Variants in KLHL1 observed in about 807,000 individuals in gnomAD.
KLHL1 encodes the protein kelch like family member 1.
In KLHL1, 47 loss-of-function variants were observed where a neutral mutation model predicts 77.7. The observed-to-expected ratio is 0.60, with a 90% CI of 0.48 to 0.77. The LOEUF (loss-of-function observed/expected upper bound fraction) is 0.77. Ranked by LOEUF, KLHL1 falls within the 30% of genes least tolerant of loss-of-function variation. KLHL1 has a pLI of 0.00. For missense variants in KLHL1, 925 were observed against 910.8 expected (o/e 1.02, Z -0.20); for synonymous variants, 360 against 325.2 (o/e 1.11, Z -1.15).
chr13:69,723,096 C>G (rs1195327564), intron 8 of KLHL1, among the ~76,000 whole-genome samples: 1 of 152,052 alleles, frequency 6.6e-6, no homozygotes, highest in African/African-American at 2.4e-5. Context: ...ACCACATTAT[C>G]TCACTCACAT....
At chr13:69,734,314 G>C (rs1206036436) in intron 8 of KLHL1, among the ~76,000 whole-genome samples, 1 of 152,166 alleles carries the variant, frequency 6.6e-6, no homozygotes, top group Non-Finnish European at 1.5e-5. Flanking sequence ...AAGCTGTGCA[G>C]ATGCCATCAT....
At chr13:69,785,953 C>T (rs1420986098) in intron 7 of KLHL1, among the ~76,000 whole-genome samples, 5 of 152,056 alleles carry the variant, frequency 3.3e-5, no homozygotes, top group African/African-American at 1.2e-4. Flanking sequence ...CAAGACTAAA[C>T]CAGGAAGAAG....
intron 1 of KLHL1, among the ~76,000 whole-genome samples, chr13:70,047,817 G>T (rs1003942120): frequency 6.6e-6 from 1 of 152,158 alleles, no homozygotes; most frequent in Admixed American, 6.5e-5. Context: ...AAACTTTTAA[G>T]CAGAAGCATG....
intron 7 of KLHL1, among the ~76,000 whole-genome samples, chr13:69,766,217 A>G (rs1327982340): frequency 6.6e-6 from 1 of 152,152 alleles, no homozygotes; most frequent in African/African-American, 2.4e-5. Flanking sequence ...GACACACACC[A>G]TATGGAAAAC....
chr13:69,700,859 C>G lies in KLHL1; in HGVS notation c.*843G>C, dbSNP rs1447512809. ...TCTAAGTTTGTTTAAGAACAAAATTCTAAAGGAGTTCAACATGCAATGGAT... is the reference window on the plus strand; with the variant it reads ...TCTAAGTTTGTTTAAGAACAAAATTGTAAAGGAGTTCAACATGCAATGGAT... On this transcript the variant is annotated 3_prime_UTR_variant, in exon 11 of 11. Coordinates refer to ENST00000377844, the MANE Select transcript of KLHL1 (RefSeq NM_020866.3). 6.6e-6 allele frequency: 1 copy of G among 152,264 alleles called. No homozygotes were observed. The highest frequency in any genetic ancestry group is 2.4e-5 in the African/African-American group (1 of 41,430). The allele number at this position is 152,264 out of a possible 1,614,324, so 9.4% of individuals were successfully genotyped here. A position where few individuals can be genotyped will look rare whatever the true frequency, so the allele number is the denominator to read the frequency against.
At chr13:69,921,327 G>T (rs893383284) in intron 4 of KLHL1, among the ~76,000 whole-genome samples, 3 of 152,156 alleles carry the variant, frequency 2.0e-5, no homozygotes, top group African/African-American at 7.2e-5. Context: ...CCTCCATTGT[G>T]AGTGCCATAA....
chr13:69,703,696 T>C (rs980428028), intron 10 of KLHL1, among the ~76,000 whole-genome samples: 10 of 151,614 alleles, frequency 6.6e-5, no homozygotes, highest in Non-Finnish European at 4.4e-5. Context: ...TTATACCATA[T>C]TTCTACAGTA....
chr13:69,818,219 C>CTTTTTTTT lies in KLHL1; in HGVS notation c.1414+20749_1414+20756dup, dbSNP rs1316398623. Among the ~76,000 whole-genome samples, 727 of 112,850 alleles carry CTTTTTTTT rather than the reference C, an allele frequency of 6.4e-3. 113 individuals are homozygous for CTTTTTTTT. Among genetic ancestry groups the CTTTTTTTT allele is most frequent in the African/African-American group, 0.027 (676 of 25,084 alleles). 74.0% of individuals were successfully genotyped at this position (112,850 alleles called of 152,430 possible). Reference sequence around the variant, plus strand: ...AGAATTTAACTTAACTCATAGGCATCTTTTTTTTTTTTTTTTTTTTGAGAC... The same window carrying CTTTTTTTT: ...AGAATTTAACTTAACTCATAGGCATCTTTTTTTTTTTTTTTTTTTTTTTTTTTTGAGAC... On this transcript the variant is annotated intron_variant, in intron 6 of 10. Transcript: ENST00000377844.
chr13:69,769,022 A>C (rs1256831802), intron 7 of KLHL1, among the ~76,000 whole-genome samples: 3 of 152,220 alleles, frequency 2.0e-5, no homozygotes, highest in Admixed American at 2.0e-4. Flanking sequence ...ACTAAGTCTC[A>C]TTCTAGAAGC....
At chr13:69,928,037 GT>G (rs1882874511) in intron 4 of KLHL1, among the ~76,000 whole-genome samples, 1 of 152,128 alleles carries the variant, frequency 6.6e-6, no homozygotes, top group African/African-American at 2.4e-5. Context: ...TGTCCTTGTG[GT>G]TTCATAGAAA....
intron 5 of KLHL1, among the ~76,000 whole-genome samples, chr13:69,872,072 T>TTA (rs371226509): frequency 1.4e-4 from 22 of 152,274 alleles, no homozygotes; most frequent in African/African-American, 4.8e-4. Context: ...GCTAGATAAT[T>TTA]TATAATGAAA....
intron 4 of KLHL1, among the ~76,000 whole-genome samples, chr13:69,909,629 T>C (rs1326510599): frequency 6.6e-6 from 1 of 152,010 alleles, no homozygotes; most frequent in Non-Finnish European, 1.5e-5. Flanking sequence ...TTTAGATCAA[T>C]AAAATTCTCC....
chr13:69,818,278 T>G (rs1389511647), intron 6 of KLHL1, among the ~76,000 whole-genome samples: 2 of 146,228 alleles, frequency 1.4e-5, no homozygotes, highest in Non-Finnish European at 3.0e-5. Context: ...TGGAGTGCAG[T>G]GGCACGATCT....
At chr13:69,716,427 G>T (rs771801724) in intron 9 of KLHL1, among the ~76,000 whole-genome samples, 13 of 152,052 alleles carry the variant, frequency 8.5e-5, no homozygotes, top group Non-Finnish European at 7.4e-5. Context: ...GATGTAGAAA[G>T]AGTTTTAATT....
intron 3 of KLHL1, among the ~76,000 whole-genome samples, chr13:69,960,183 A>G (rs1884021731): frequency 1.3e-5 from 2 of 148,314 alleles, no homozygotes; most frequent in South Asian, 2.1e-4. Flanking sequence ...CTTCTTCAAT[A>G]TAAGTGAAAT....
chr13:69,994,336 T>C (rs1027181709), intron 1 of KLHL1, among the ~76,000 whole-genome samples: 2 of 152,118 alleles, frequency 1.3e-5, no homozygotes, highest in Non-Finnish European at 2.9e-5. Context: ...AACTCTTTCC[T>C]TAAGCCTTCT....
chr13:69,763,774 C>T (rs1207652284), intron 7 of KLHL1, among the ~76,000 whole-genome samples: 1 of 152,158 alleles, frequency 6.6e-6, no homozygotes, highest in African/African-American at 2.4e-5. Context: ...AATGGAGTCA[C>T]TAGTGCTAAA....
intron 1 of KLHL1, among the ~76,000 whole-genome samples, chr13:70,033,595 C>T (rs549153808): frequency 3.2e-4 from 46 of 142,354 alleles, no homozygotes; most frequent in Admixed American, 6.4e-4. Flanking sequence ...TGTGAGTCAC[C>T]GCAACTGGCT....
chr13:69,735,705 C>A (rs1456797665), intron 8 of KLHL1, among the ~76,000 whole-genome samples: 1 of 151,364 alleles, frequency 6.6e-6, no homozygotes, highest in Non-Finnish European at 1.5e-5. Context: ...CAACTATCTT[C>A]TCAGAAGAAA....
Sources: allele counts gnomAD v4.1 joint callset (sites outside exome capture counted in the v4.1 genomes callset), GRCh38; gene constraint gnomAD v4.1.1; transcripts MANE v1.5; gene names NCBI Gene and HGNC (gene_info 2026-07-23, HGNC 2026-07-21).